CDH13: variants seen among roughly 807,000 people sequenced by gnomAD.
The protein encoded by CDH13 is cadherin 13.
Under a neutral mutation model 63.8 loss-of-function variants are expected in CDH13, and 24 were observed. The observed-to-expected ratio is 0.38, with a 90% CI of 0.27 to 0.53. The LOEUF (loss-of-function observed/expected upper bound fraction) is 0.53, where lower values mean the gene tolerates loss of function less well. Ranked by LOEUF, CDH13 falls within the 20% of genes least tolerant of loss-of-function variation. The pLI, the probability that CDH13 is intolerant of heterozygous loss-of-function variation, is 0.85. For synonymous variants in CDH13, 503 were observed against 355.3 expected (o/e 1.42, Z -4.67); for missense variants, 1,049 against 903.1 (o/e 1.16, Z -2.07).
At chr16:83,566,538 C>G (rs1188828900) in intron 7 of CDH13, among the ~76,000 whole-genome samples, 1 of 152,160 alleles carries the variant, frequency 6.6e-6, no homozygotes, top group African/African-American at 2.4e-5. Flanking sequence ...CTTCCACTCT[C>G]TCCATCCAGG....
At chr16:83,508,737 C>G (rs1203141468) in intron 7 of CDH13, among the ~76,000 whole-genome samples, 1 of 152,208 alleles carries the variant, frequency 6.6e-6, no homozygotes, top group Non-Finnish European at 1.5e-5. Context: ...TCTCACTTCT[C>G]TTTCTCCCTC....
chr16:82,899,884 C>T (rs2041402711), intron 2 of CDH13, among the ~76,000 whole-genome samples: 2 of 152,098 alleles, frequency 1.3e-5, no homozygotes, highest in African/African-American at 4.8e-5. Flanking sequence ...ATTTCCTGGC[C>T]CCTGGCATTC....
chr16:82,793,646 G>A (rs1468555045), intron 1 of CDH13, among the ~76,000 whole-genome samples: 3 of 152,148 alleles, frequency 2.0e-5, no homozygotes, highest in African/African-American at 7.2e-5. Context: ...TAGTAACAGA[G>A]CAAACCCTGG....
chr16:82,866,835 G>A (rs112876048), intron 2 of CDH13, among the ~76,000 whole-genome samples: 7 of 152,178 alleles, frequency 4.6e-5, no homozygotes, highest in African/African-American at 1.2e-4. Context: ...ATCAGTTCTC[G>A]TGAGAACTCA....
intron 4 of CDH13, among the ~76,000 whole-genome samples, chr16:83,208,127 A>G (rs11861056): frequency 0.02 from 2,996 of 152,174 alleles, 91 homozygotes; most frequent in African/African-American, 0.069. Flanking sequence ...AGCACTGCTG[A>G]TTGATAAGGT....
At chr16:82,792,424 A>T (rs1321872544) in intron 1 of CDH13, among the ~76,000 whole-genome samples, 1 of 152,162 alleles carries the variant, frequency 6.6e-6, no homozygotes, top group Admixed American at 6.6e-5. Flanking sequence ...AAAAAGATCA[A>T]TTCATTACCC....
intron 3 of CDH13, among the ~76,000 whole-genome samples, chr16:83,112,280 C>T (rs973748240): frequency 3.3e-5 from 5 of 152,206 alleles, no homozygotes; most frequent in Non-Finnish European, 5.9e-5. Context: ...AAACCAATCC[C>T]GTTGGCAGGG....
intron 7 of CDH13, among the ~76,000 whole-genome samples, chr16:83,585,527 C>G (rs899374792): frequency 6.6e-6 from 1 of 152,044 alleles, no homozygotes; most frequent in African/African-American, 2.4e-5. Context: ...GTTTGCAGTG[C>G]TCGTGACACA....
chr16:83,014,746 AT>A (rs1567745472), intron 2 of CDH13, among the ~76,000 whole-genome samples: 2,487 of 32,270 alleles, frequency 0.077, 91 homozygotes, highest in African/African-American at 0.12. Context: ...AAAAAAAAAT[AT>A]ATATATATAT....
chr16:83,703,440 T>C lies in CDH13; in HGVS notation c.1538+24979T>C, dbSNP rs542855917. 1.4e-4 allele frequency among the ~76,000 whole-genome samples: 22 copies of C among 152,350 alleles called. No homozygotes were observed. The South Asian group carries it at 4.6e-3, about 32-fold the overall frequency. ...ATTACAGAGTTGCCATATGATGGAA[T>C]AATATGCAGTGATTAAAATTTTTGA... On this transcript the variant is annotated intron_variant, in intron 10 of 13. Transcript: ENST00000567109.
chr16:83,172,359 T>A (rs2037957099), intron 4 of CDH13, among the ~76,000 whole-genome samples: 1 of 151,948 alleles, frequency 6.6e-6, no homozygotes. Flanking sequence ...GGCGTAGTGG[T>A]GCATGCTTGT....
chr16:82,862,732 G>A lies in CDH13; in HGVS notation c.157+4259G>A, dbSNP rs181698497. ...CATTAACAAGAGCAGGCTAGGCTAG[G>A]CCATGGTGTCAAACAACTCTAGTGA... is the stretch of plus-strand genomic sequence containing the variant. On this transcript the variant is annotated intron_variant, in intron 2 of 13. Coordinates refer to ENST00000567109, the MANE Select transcript of CDH13 (RefSeq NM_001257.5). Among the ~76,000 whole-genome samples the A allele has an allele frequency of 2.5e-3, 385 of 152,320 alleles. 1 individual carries two copies. Among genetic ancestry groups the A allele is most frequent in the African/African-American group, 8.6e-3 (356 of 41,568 alleles).
chr16:83,653,331 G>C (rs527265648), intron 8 of CDH13, among the ~76,000 whole-genome samples: 16 of 152,268 alleles, frequency 1.1e-4, no homozygotes, highest in African/African-American at 3.8e-4. Flanking sequence ...AAAACTGTTA[G>C]CAAAGAAAAA....
intron 8 of CDH13, 74 bp from the exon 9 acceptor site, chr16:83,670,716 A>G (rs1914425160): frequency 3.9e-6 from 5 of 1,281,782 alleles, no homozygotes; most frequent in Non-Finnish European, 5.6e-6. Flanking sequence ...TGTGTAACAT[A>G]CCCAATGCAA....
chr16:83,563,335 C>A (rs1027528227), intron 7 of CDH13, among the ~76,000 whole-genome samples: 5 of 152,166 alleles, frequency 3.3e-5, no homozygotes, highest in Non-Finnish European at 7.3e-5. Context: ...GGATGGACTC[C>A]TGAGATGGAC....
intron 4 of CDH13, among the ~76,000 whole-genome samples, chr16:83,215,906 G>A (rs1215214067): frequency 6.6e-6 from 1 of 151,994 alleles, no homozygotes; most frequent in Non-Finnish European, 1.5e-5. Context: ...CATAAATATA[G>A]ATGAATACTT....
intron 5 of CDH13, among the ~76,000 whole-genome samples, chr16:83,304,877 G>A (rs983797290): frequency 3.9e-5 from 6 of 152,140 alleles, no homozygotes; most frequent in Non-Finnish European, 7.4e-5. Context: ...TCTCTCTCCC[G>A]TATGTGTGTG....
At chr16:82,680,212 T>G (rs1342680118) in intron 1 of CDH13, among the ~76,000 whole-genome samples, 1 of 152,200 alleles carries the variant, frequency 6.6e-6, no homozygotes, top group African/African-American at 2.4e-5. Flanking sequence ...GAGGGGAATG[T>G]GGGGCCTGGT....
At chr16:83,619,971 G>A (rs1458781634) in intron 8 of CDH13, among the ~76,000 whole-genome samples, 2 of 152,148 alleles carry the variant, frequency 1.3e-5, no homozygotes, top group East Asian at 3.9e-4. Context: ...AGGGTGACCA[G>A]AGCAACATGA....
Sources: gnomAD v4.1 joint callset for allele counts (sites outside exome capture counted in the v4.1 genomes callset) on GRCh38, gnomAD v4.1.1 for gene constraint, MANE v1.5 for transcripts, NCBI Gene and HGNC (gene_info 2026-07-23, HGNC 2026-07-21) for gene names.